Variants in MMP2 observed in about 807,000 individuals in gnomAD.
MMP2 encodes the protein 72 kDa type IV collagenase.
A neutral mutation model predicts 74.8 loss-of-function variants in MMP2; 39 were observed. That is an observed-to-expected ratio of 0.52 (90% CI 0.40 to 0.68). The LOEUF (loss-of-function observed/expected upper bound fraction) is 0.68. Ranked by LOEUF, MMP2 falls within the 30% of genes least tolerant of loss-of-function variation. MMP2 has a pLI of 0.00. For synonymous variants in MMP2, 367 were observed against 339.8 expected (o/e 1.08, Z -0.88); for missense variants, 803 against 878.3 (o/e 0.91, Z 1.08).
chr16:55,491,622 T>C (rs1962406731), intron 7 of MMP2, among the ~76,000 whole-genome samples, 179 bp from the exon 8 acceptor site: 1 of 152,066 alleles, frequency 6.6e-6, no homozygotes, highest in African/African-American at 2.4e-5. Context: ...AATCCCAAAA[T>C]TGTGTATTGA....
intron 11 of MMP2, among the ~76,000 whole-genome samples, 198 bp from the exon 12 acceptor site, chr16:55,502,581 A>G (rs1962692965): frequency 6.6e-6 from 1 of 152,152 alleles, no homozygotes; most frequent in Non-Finnish European, 1.5e-5. Context: ...TCATATAATT[A>G]AAAGTGGTAG....
At chr16:55,488,038 T>G (rs1320252552) in intron 5 of MMP2, 1 of 210,350 alleles carries the variant, frequency 4.8e-6, no homozygotes, top group Non-Finnish European at 9.6e-6. Context: ...TAGTGTGTTT[T>G]GTAGTTTTTA....
chr16:55,485,848 C>G, intron 5 of MMP2, 71 bp downstream of exon 5: 1 of 1,500,160 alleles, frequency 6.7e-7, no homozygotes, highest in Non-Finnish European at 9.2e-7. Flanking sequence ...CCAGTGTGCT[C>G]TTCCCTCCAC....
Position 55,489,653 on chromosome 16 carries a change from A to G in MMP2, c.1009A>G (p.Met337Val). The change falls in exon 7 of 13, where the codon ATG becomes GTG. Residue 337 changes from methionine (M) to valine (V), a missense_variant and splice_region_variant. Around this residue, in one of 3 missense-constraint regions of MMP2, gnomAD observed 555 missense variants for 592.0 expected, o/e 0.94. Transcript: ENST00000219070. ...GACCCGTATCCCTAACCCCACAGCC[A>G]TGTCCACTGTTGGTGGGAACTCAGA... The part of the protein sequence containing the change: ...KKYGFCPETA[M>V]STVGGNSEGA... 6.2e-7 allele frequency: 1 copy of G among 1,614,070 alleles called. No individual in the cohort carries two copies. The highest frequency in any genetic ancestry group is 2.2e-5 in the East Asian group (1 of 44,866).
Position 55,485,699 on chromosome 16 carries a change from C to T in MMP2, c.754C>T (p.Arg252Cys), listed in dbSNP as rs776232856. ...KEYNSCTDTGRSDGFLWCSTT... is the reference protein window; with the variant it reads ...KEYNSCTDTGCSDGFLWCSTT... ...GTACAACAGCTGCACTGATACCGGC[C>T]GCAGCGATGGCTTCCTCTGGTGCTC... is the stretch of plus-strand genomic sequence containing the variant. The change falls in exon 5 of 13, where the codon CGC becomes TGC. Residue 252 changes from arginine to cysteine, a missense_variant. By Grantham distance (180) the Arg-to-Cys change is radical. Transcript: ENST00000219070. 6.2e-6 allele frequency: 10 copies of T among 1,614,106 alleles called. No homozygotes were observed. Among genetic ancestry groups the T allele is most frequent in the South Asian group, 1.1e-5 (1 of 91,080 alleles).
At chr16:55,486,710 T>C (rs1281379518) in intron 5 of MMP2, 5 of 152,200 alleles carry the variant, frequency 3.3e-5, no homozygotes, top group Non-Finnish European at 5.9e-5. Context: ...TTGATAATTC[T>C]GCAGATTGAA....
chr16:55,496,838 T>C, intron 9 of MMP2, 88 bp from the exon 10 acceptor site: 2 of 1,533,910 alleles, frequency 1.3e-6, no homozygotes, highest in Non-Finnish European at 1.8e-6. Context: ...ATCTCTGGGA[T>C]GTTTCTGGGT....
At chr16:55,481,971 C>A in intron 1 of MMP2, 1 of 597,946 alleles carries the variant, frequency 1.7e-6, no homozygotes, top group Non-Finnish European at 3.1e-6. Context: ...TCCAACAAGG[C>A]TAGGACCGTT....
chr16:55,484,069 C>T lies in MMP2; in HGVS notation c.434C>T (p.Ala145Val). ...CCAGAGACAGTGGATGATGCCTTTG[C>T]TCGTGCCTTCCAAGTCTGGAGCGAT... is the stretch of plus-strand genomic sequence containing the variant. ...LDPETVDDAF[A>V]RAFQVWSDVT... Residue 145 changes from alanine (A) to valine (V), a missense_variant, in exon 3 of 13, where the codon GCT becomes GTT. Physicochemically the swap from Ala to Val is moderately conservative, Grantham distance 64. Around this residue, in one of 3 missense-constraint regions of MMP2, gnomAD observed 223 missense variants for 232.8 expected, o/e 0.96. Transcript: ENST00000219070. The T allele has an allele frequency of 6.2e-7, 1 of 1,614,168 alleles. No individual in the cohort carries two copies. Among genetic ancestry groups the T allele is most frequent in the Admixed American group, 1.7e-5 (1 of 60,032 alleles).
rs764880330 is a variant in MMP2 at position 55,505,455 on chromosome 16, T to C, written c.*13T>C. On this transcript the variant is annotated 3_prime_UTR_variant, in exon 13 of 13. Transcript: ENST00000219070. ...GCTAGGCTGCTGAGCTGGCCCTGGCTCCCACAGGCCCTTCCTCTCCACTGC... is the reference window on the plus strand; with the variant it reads ...GCTAGGCTGCTGAGCTGGCCCTGGCCCCCACAGGCCCTTCCTCTCCACTGC... 6.2e-7 allele frequency: 1 copy of C among 1,610,086 alleles called. No individual in the cohort carries two copies. The highest frequency in any genetic ancestry group is 1.7e-5 in the Admixed American group (1 of 60,002).
At position 55,489,648 on chromosome 16, in the gene MMP2, C is replaced by T. The variant is rs1962350328; in HGVS notation, c.1007-3C>T. 1.2e-6 allele frequency: 2 copies of T among 1,614,134 alleles called. No homozygotes were observed. Among genetic ancestry groups the T allele is most frequent in the Admixed American group, 1.7e-5 (1 of 60,032 alleles). ...GCCTTGACCCGTATCCCTAACCCCA[C>T]AGCCATGTCCACTGTTGGTGGGAAC... On this transcript the variant is annotated splice_region_variant and splice_polypyrimidine_tract_variant and intron_variant, in intron 6 of 12. Coordinates refer to ENST00000219070, the MANE Select transcript of MMP2 (RefSeq NM_004530.6).
chr16:55,486,340 T>TGTGC lies in MMP2; in HGVS notation c.832+566_832+567insCGTG, dbSNP rs1210790385. Among the ~76,000 whole-genome samples, 91 of 97,468 alleles carry TGTGC rather than the reference T, an allele frequency of 9.3e-4. 1 individual carries two copies. The highest frequency in any genetic ancestry group is 3.2e-3 in the African/African-American group (85 of 26,222). 63.9% of individuals were successfully genotyped at this position (97,468 alleles called of 152,430 possible). ...GCTAATGCGTGTGTGTGTGTGTGTG[T>TGTGC]GTGTGCCTGTGTGTGTGTGTGTGTG... On this transcript the variant is annotated intron_variant, in intron 5 of 12. Transcript: ENST00000219070.
Position 55,491,879 on chromosome 16 carries a change from T to A in MMP2, c.1259T>A (p.Leu420Gln). The A allele has an allele frequency of 6.2e-7, 1 of 1,614,124 alleles. No individual in the cohort carries two copies. The highest frequency in any genetic ancestry group is 8.5e-7 in the Non-Finnish European group (1 of 1,180,022). ...GAGCACTCCCAAGACCCTGGGGCCC[T>A]GATGGCACCCATTTACACCTACACC... ...GLEHSQDPGA[L>Q]MAPIYTYTKN... Residue 420 changes from leucine (L) to glutamine (Q), a missense_variant, in exon 8 of 13, where the codon CTG becomes CAG. By Grantham distance (113) the Leu-to-Gln change is moderately radical (BLOSUM62 -2). Transcript: ENST00000219070.
At chr16:55,496,632 A>T (rs1397257490) in intron 9 of MMP2, among the ~76,000 whole-genome samples, 1 of 152,190 alleles carries the variant, frequency 6.6e-6, no homozygotes, top group Admixed American at 6.5e-5. Flanking sequence ...AGAGTTGATG[A>T]TTTTGAGAGG....
At position 55,505,810 on chromosome 16, in the gene MMP2, T is replaced by C. The variant is rs1374406432; in HGVS notation, c.*368T>C. 5.9e-6 allele frequency: 2 copies of C among 340,266 alleles called. No individual in the cohort carries two copies. The highest frequency in any genetic ancestry group is 2.1e-5 in the African/African-American group (1 of 47,210). The allele number at this position is 340,266 out of a possible 1,614,324, so 21.1% of individuals were successfully genotyped here. A position where few individuals can be genotyped will look rare whatever the true frequency, so the allele number is the denominator to read the frequency against. ...TGGCTCACAGAACCCTTGGAGCCAA[T>C]GGAGACTGTCTCAAGAGGGCACTGG... is the stretch of plus-strand genomic sequence containing the variant. On this transcript the variant is annotated 3_prime_UTR_variant, in exon 13 of 13. Coordinates refer to ENST00000219070, the MANE Select transcript of MMP2 (RefSeq NM_004530.6).
intron 11 of MMP2, among the ~76,000 whole-genome samples, chr16:55,500,494 T>TACACACACACACACACACAC (rs55996787): frequency 0.018 from 2,443 of 136,208 alleles, 97 homozygotes; most frequent in East Asian, 0.04. Flanking sequence ...CATGTGCGCA[T>TACACACACACACACACACAC]ACACACACAC....
At chr16:55,487,675 T>G (rs1596813562) in intron 5 of MMP2, 1 of 152,548 alleles carries the variant, frequency 6.6e-6, no homozygotes, top group East Asian at 1.9e-4. Flanking sequence ...TGGTTGGCAA[T>G]TCCAGAGACA....
chr16:55,489,778 A>T lies in MMP2; in HGVS notation c.1134A>T (p.Thr378=). 6.2e-7 allele frequency: 1 copy of T among 1,614,198 alleles called. No individual in the cohort carries two copies. The highest frequency in any genetic ancestry group is 8.5e-7 in the Non-Finnish European group (1 of 1,180,038). The change falls in exon 7 of 13, where the codon ACA becomes ACT. Residue 378 remains threonine, a synonymous_variant. Coordinates refer to ENST00000219070, the MANE Select transcript of MMP2 (RefSeq NM_004530.6). ...ACGGAAAGATGTGGTGTGCGACCAC[A>T]GCCAACTACGATGATGACCGCAAGT... ...RSDGKMWCAT[T]ANYDDDRKWG... is the part of the protein sequence containing the mutation.
In MMP2 at chr16:55,491,922, C is replaced by T. The variant is rs752314399; in HGVS notation, c.1302C>T (p.Ser434=). 6.2e-7 allele frequency: 1 copy of T among 1,614,058 alleles called. No homozygotes were observed. Among genetic ancestry groups the T allele is most frequent in the South Asian group, 1.1e-5 (1 of 91,066 alleles). Residue 434 remains serine (S), a synonymous_variant, in exon 8 of 13, where the codon TCC becomes TCT. Coordinates refer to ENST00000219070, the MANE Select transcript of MMP2 (RefSeq NM_004530.6). ...IYTYTKNFRL[S]QDDIKGIQEL... The stretch of plus-strand genomic sequence containing the variant: ...CCTACACCAAGAACTTCCGTCTGTC[C>T]CAGGATGACATCAAGGGCATTCAGG...
Sources: allele counts gnomAD v4.1 joint callset (sites outside exome capture counted in the v4.1 genomes callset), GRCh38; gene constraint gnomAD v4.1.1; regional missense constraint gnomAD v4.1.1; transcripts MANE v1.5; gene names NCBI Gene and HGNC (gene_info 2026-07-23, HGNC 2026-07-21).